Variants in NFATC1 observed in about 807,000 individuals in gnomAD.
NFATC1 encodes the protein nuclear factor of activated T-cells, cytoplasmic 1.
A neutral mutation model predicts 76.0 loss-of-function variants in NFATC1; 22 were observed. The ratio of observed to expected loss-of-function variants is 0.29; its 90% CI spans 0.21 to 0.41. The LOEUF (loss-of-function observed/expected upper bound fraction) is 0.41, where lower values mean the gene tolerates loss of function less well. NFATC1 is among the 10% of genes least tolerant of loss of function. The pLI, the probability that NFATC1 is intolerant of heterozygous loss-of-function variation, is 1.00. For missense variants in NFATC1, 1,357 were observed against 1,337.7 expected (o/e 1.01, Z -0.23); for synonymous variants, 704 against 613.1 (o/e 1.15, Z -2.19).
intron 8 of NFATC1, among the ~76,000 whole-genome samples, chr18:79,473,913 A>G (rs929797410): frequency 2.9e-5 from 4 of 140,326 alleles, no homozygotes; most frequent in Non-Finnish European, 6.1e-5. Context: ...TTGTGAGGGA[A>G]GCGTGTTCTC....
At position 79,411,049 on chromosome 18, in the gene NFATC1, A is replaced by G. The variant is rs2148188750; in HGVS notation, c.774A>G (p.Arg258=). The G allele has an allele frequency of 1.9e-6, 3 of 1,611,624 alleles. No homozygotes were observed. Among genetic ancestry groups the G allele is most frequent in the Non-Finnish European group, 1.7e-6 (2 of 1,179,468 alleles). The stretch of plus-strand genomic sequence containing the variant: ...GCTGGCTGGGTGCCCGCTCCTCCAG[A>G]CCCGCGTCCCCTTGCAACAAGAGGA... ...EESWLGARSS[R]PASPCNKRKY... Residue 258 remains arginine (R), a synonymous_variant, in exon 2 of 10, where the codon AGA becomes AGG. Transcript: ENST00000427363.
chr18:79,452,357 C>T (rs1374969440), intron 6 of NFATC1, among the ~76,000 whole-genome samples: 2 of 152,214 alleles, frequency 1.3e-5, no homozygotes, highest in Admixed American at 6.5e-5. Flanking sequence ...GTCACCCCTG[C>T]CTCCAGGTGT....
At chr18:79,527,411 C>T (rs1456933452) in intron 9 of NFATC1, 117 bp from the exon 10 acceptor site, 8 of 808,096 alleles carry the variant, frequency 9.9e-6, no homozygotes, top group Non-Finnish European at 6.2e-6. Flanking sequence ...ATGTGGGTTC[C>T]TGGGGAGATG....
In NFATC1 at chr18:79,448,649, G is replaced by A; in HGVS notation, c.1387-133G>A. On this transcript the variant is annotated intron_variant, in intron 3 of 9. Transcript: ENST00000427363. ...ATTTACAAAGACACCAGTATGACAT[G>A]GCAGAGAAATAAAAAGGGGGCAGGG... The A allele has an allele frequency of 6.2e-6, 5 of 802,134 alleles. No homozygotes were observed. In the South Asian group the frequency reaches 6.7e-5, roughly 11 times the overall value. 49.7% of individuals were successfully genotyped at this position (802,134 alleles called of 1,614,324 possible). A position where few individuals can be genotyped will look rare whatever the true frequency, so the allele number is the denominator to read the frequency against.
At chr18:79,501,847 G>A (rs557190835) in intron 9 of NFATC1, among the ~76,000 whole-genome samples, 14 of 152,294 alleles carry the variant, frequency 9.2e-5, no homozygotes, top group African/African-American at 3.1e-4. Flanking sequence ...GAACGTTGCT[G>A]AGGGAAAGTT....
chr18:79,476,206 G>A (rs893949270), intron 8 of NFATC1, among the ~76,000 whole-genome samples: 5 of 152,250 alleles, frequency 3.3e-5, no homozygotes, highest in South Asian at 2.1e-4. Flanking sequence ...GACGCCAGCC[G>A]CGCGCCTGGG....
chr18:79,486,070 A>G (rs1600890700), intron 8 of NFATC1, among the ~76,000 whole-genome samples, 178 bp from the exon 9 acceptor site: 1 of 146,534 alleles, frequency 6.8e-6, no homozygotes, highest in African/African-American at 2.6e-5. Flanking sequence ...ACCAGCTGCT[A>G]CTCTCTCGGC....
chr18:79,401,307 GC>G (rs2085244939), intron 1 of NFATC1, among the ~76,000 whole-genome samples: 2 of 152,046 alleles, frequency 1.3e-5, no homozygotes, highest in South Asian at 4.1e-4. Context: ...AGGGACCTCC[GC>G]CGAGTCTGTA....
At chr18:79,503,393 A>G (rs947340048) in intron 9 of NFATC1, among the ~76,000 whole-genome samples, 1 of 152,212 alleles carries the variant, frequency 6.6e-6, no homozygotes, top group Admixed American at 6.5e-5. Flanking sequence ...CAATGTGTCT[A>G]AAAAAACAGT....
rs747539233 is a variant in NFATC1, at chr18:79,451,795, A to G, written c.1882A>G (p.Ile628Val). ...GHNFLQDSKV[I>V]FVEKAPDGHH... is the part of the protein sequence containing the mutation. The stretch of plus-strand genomic sequence containing the variant: ...CAACTTCCTGCAGGACTCCAAGGTC[A>G]TTTTCGTGGAGAAAGCCCCAGGTAT... Residue 628 changes from isoleucine (I) to valine (V), a missense_variant, in exon 6 of 10, where the codon ATT (isoleucine) becomes GTT (valine). This residue lies in a region of NFATC1 where 242 missense variants were observed against 329.2 expected (regional missense o/e 0.74). Coordinates refer to ENST00000427363, the MANE Select transcript of NFATC1 (RefSeq NM_001278669.2). The G allele has an allele frequency of 1.9e-6, 3 of 1,611,206 alleles. No homozygotes were observed. The highest frequency in any genetic ancestry group is 1.7e-5 in the Admixed American group (1 of 59,688).
chr18:79,425,635 G>A (rs934340786), intron 2 of NFATC1, among the ~76,000 whole-genome samples: 2 of 152,192 alleles, frequency 1.3e-5, no homozygotes, highest in Non-Finnish European at 1.5e-5. Context: ...TGCCGAGGGC[G>A]CGATTCCGGG....
rs111345252 is a variant in NFATC1 at position 79,410,125 on chromosome 18, C to T, written c.128-278C>T. 1.6e-5 allele frequency: 12 copies of T among 746,742 alleles called. No individual in the cohort carries two copies. The highest frequency in any genetic ancestry group is 2.7e-5 in the Non-Finnish European group (11 of 407,342). The allele number at this position is 746,742 out of a possible 1,614,324, so 46.3% of individuals were successfully genotyped here. On this transcript the variant is annotated intron_variant, in intron 1 of 9. Transcript: ENST00000427363. This position sits in a 1 kb window ranked among gnomAD's most constrained non-coding sequence, Gnocchi z 6.7. ...ACCCGTGAGGACCCGGCCGCCTCTC[C>T]CTGGGAAGGACGTTCGGGGGCTTGT...
At chr18:79,485,964 T>G (rs2089480119) in intron 8 of NFATC1, among the ~76,000 whole-genome samples, 1 of 152,242 alleles carries the variant, frequency 6.6e-6, no homozygotes, top group African/African-American at 2.4e-5. Flanking sequence ...CACAGGCCCC[T>G]GGGTCCAGGA....
chr18:79,473,713 C>T (rs1298273613), intron 8 of NFATC1, among the ~76,000 whole-genome samples: 2 of 137,246 alleles, frequency 1.5e-5, no homozygotes, highest in South Asian at 2.5e-4. Flanking sequence ...GTCGACGTTG[C>T]AAGGGAAGCG....
intron 6 of NFATC1, among the ~76,000 whole-genome samples, chr18:79,453,968 C>T (rs1398044837): frequency 2.0e-5 from 3 of 152,230 alleles, no homozygotes; most frequent in Non-Finnish European, 4.4e-5. Flanking sequence ...AGCCCCACAT[C>T]CTCATCCTGG....
At chr18:79,473,412 C>G (rs2088866424) in intron 8 of NFATC1, among the ~76,000 whole-genome samples, 1 of 149,838 alleles carries the variant, frequency 6.7e-6, no homozygotes, top group African/African-American at 2.5e-5. Context: ...TGTTCTCATG[C>G]TCACTGTCAA....
At chr18:79,464,115 AGT>A (rs1265816969) in intron 7 of NFATC1, among the ~76,000 whole-genome samples, 2 of 152,228 alleles carry the variant, frequency 1.3e-5, no homozygotes, top group African/African-American at 4.8e-5. Flanking sequence ...TTTTTGAGAC[AGT>A]CTCGCTCTGT....
intron 3 of NFATC1, among the ~76,000 whole-genome samples, chr18:79,439,776 C>T (rs55662478): frequency 2.0e-5 from 3 of 152,148 alleles, no homozygotes; most frequent in Admixed American, 1.3e-4. Flanking sequence ...CCATTTATTT[C>T]TCCCCTAAAG....
At chr18:79,518,085 A>G (rs949531913) in intron 9 of NFATC1, among the ~76,000 whole-genome samples, 4 of 152,276 alleles carry the variant, frequency 2.6e-5, no homozygotes, top group African/African-American at 9.6e-5. Context: ...TCTGTGCTGC[A>G]CCCTGGTGCT....
Sources: allele counts gnomAD v4.1 joint callset (sites outside exome capture counted in the v4.1 genomes callset), GRCh38; gene constraint gnomAD v4.1.1; regional missense constraint gnomAD v4.1.1; non-coding constraint Gnocchi (gnomAD v3.1); transcripts MANE v1.5; gene names NCBI Gene and HGNC (gene_info 2026-07-23, HGNC 2026-07-21).